Variants in C4orf17 observed in about 807,000 individuals in gnomAD.
The protein encoded by C4orf17 is uncharacterized protein C4orf17.
Under a neutral mutation model 32.0 loss-of-function variants are expected in C4orf17, and 25 were observed. The observed-to-expected ratio is 0.78, with a 90% CI of 0.57 to 1.09. The LOEUF is 1.09. Ranked by LOEUF, C4orf17 falls within the 50% of genes least tolerant of loss-of-function variation. The probability of loss-of-function intolerance (pLI) is 0.00; values close to 1 mark genes in which losing one functional copy is unlikely to be tolerated. For synonymous variants in C4orf17, 149 were observed against 145.8 expected (o/e 1.02, Z -0.16); for missense variants, 420 against 420.0 (o/e 1.00, Z 0.00).
chr4:99,522,841 T>C, intron 3 of C4orf17, 132 bp downstream of exon 3: 1 of 684,276 alleles, frequency 1.5e-6, no homozygotes, highest in Non-Finnish European at 2.4e-6. Context: ...AACATAAATT[T>C]TGTTATATAA....
intron 5 of C4orf17, among the ~76,000 whole-genome samples, chr4:99,535,467 C>T (rs577885637): frequency 1.1e-3 from 168 of 152,024 alleles, no homozygotes; most frequent in South Asian, 2.1e-3. Flanking sequence ...TTTTGTCTGC[C>T]TGTCTTATTT....
At chr4:99,526,637 ATTTCT>A (rs1233652479) in intron 4 of C4orf17, among the ~76,000 whole-genome samples, 2 of 137,274 alleles carry the variant, frequency 1.5e-5, no homozygotes, top group Non-Finnish European at 3.1e-5. Context: ...TACAAATTCA[ATTTCT>A]TTTCTTTTCT....
chr4:99,540,446 G>A lies in C4orf17; in HGVS notation c.871G>A (p.Val291Ile). The A allele has an allele frequency of 6.2e-7, 1 of 1,610,226 alleles. No individual in the cohort carries two copies. Among genetic ancestry groups the A allele is most frequent in the Middle Eastern group, 1.7e-4 (1 of 6,038 alleles). ...TCAAGGATCTGAAGAAAACAAGGAA[G>A]TACCAAAAGGTTAAGTACAGTTTTT... is the stretch of plus-strand genomic sequence containing the variant. ...SSQGSEENKEVPKEAEHKPPL... is the reference protein window; with the variant it reads ...SSQGSEENKEIPKEAEHKPPL... The change falls in exon 8 of 9, where the codon GTA becomes ATA. Residue 291 changes from valine (V) to isoleucine (I), a missense_variant. Coordinates refer to ENST00000326581, the MANE Select transcript of C4orf17 (RefSeq NM_032149.3).
chr4:99,517,355 T>G (rs546437047), intron 2 of C4orf17, among the ~76,000 whole-genome samples: 31 of 151,116 alleles, frequency 2.1e-4, no homozygotes, highest in African/African-American at 7.6e-4. Context: ...AACATATTGC[T>G]GCAGGGGCTG....
At position 99,523,775 on chromosome 4, in the gene C4orf17, C is replaced by T. The variant is rs139155919; in HGVS notation, c.338-746C>T. On this transcript the variant is annotated intron_variant, in intron 3 of 8. Coordinates refer to ENST00000326581, the MANE Select transcript of C4orf17 (RefSeq NM_032149.3). The stretch of plus-strand genomic sequence containing the variant: ...TGGTTTTAGGGCAGCTTAGGGGGAT[C>T]TAGTTATATGACTGAGTATGAAATG... Among the ~76,000 whole-genome samples the T allele has an allele frequency of 2.4e-3, 366 of 151,966 alleles. 1 individual carries two copies. The highest frequency in any genetic ancestry group is 8.2e-3 in the African/African-American group (338 of 41,450).
chr4:99,528,494 G>GC (rs1234459172), intron 4 of C4orf17, among the ~76,000 whole-genome samples: 2 of 152,070 alleles, frequency 1.3e-5, no homozygotes, highest in Admixed American at 1.3e-4. Context: ...TTTTCACTGA[G>GC]TTCAGTGTAT....
intron 5 of C4orf17, among the ~76,000 whole-genome samples, chr4:99,531,983 A>C (rs1284783678): frequency 6.6e-6 from 1 of 152,156 alleles, no homozygotes; most frequent in Admixed American, 6.6e-5. Flanking sequence ...ATTACTTTAA[A>C]AGGAAAGAGA....
rs932591000 is a variant in C4orf17, at chr4:99,542,067, C to G, written c.1038C>G (p.Leu346=). ...CAAGGAGTATACAAGAATACAACCT[C>G]TGTCCCCAAAGAGCATGTTATCCTT... ...VSARSIQEYN[L]CPQRACYPST... Residue 346 remains leucine, a synonymous_variant, in exon 9 of 9, where the codon CTC becomes CTG. Coordinates refer to ENST00000326581, the MANE Select transcript of C4orf17 (RefSeq NM_032149.3). 3 of 1,614,132 alleles carry G rather than the reference C, an allele frequency of 1.9e-6. No individual in the cohort carries two copies. The highest frequency in any genetic ancestry group is 2.5e-6 in the Non-Finnish European group (3 of 1,179,996).
chr4:99,520,561 A>T (rs1444728437), intron 2 of C4orf17, among the ~76,000 whole-genome samples: 1 of 152,176 alleles, frequency 6.6e-6, no homozygotes, highest in African/African-American at 2.4e-5. Context: ...ATACTATAAA[A>T]CTATTGGCAG....
intron 5 of C4orf17, among the ~76,000 whole-genome samples, chr4:99,534,899 T>C (rs1723536811): frequency 6.6e-6 from 1 of 152,208 alleles, no homozygotes; most frequent in South Asian, 2.1e-4. Flanking sequence ...CCTTTCCATA[T>C]TTAGTGCTTC....
intron 5 of C4orf17, among the ~76,000 whole-genome samples, chr4:99,531,223 C>G (rs546647487): frequency 6.6e-6 from 1 of 151,960 alleles, no homozygotes; most frequent in African/African-American, 2.4e-5. Flanking sequence ...AAATTTAAAT[C>G]ATATAAGATC....
At position 99,513,071 on chromosome 4, in the gene C4orf17, AC is replaced by A. The variant is rs1379280004; in HGVS notation, c.-10del. ...CAACAGTGAAGAGGGGAAAATAAACACACCACAAACATGAACCTCAACCCCC... is the reference window on the plus strand; with the variant it reads ...CAACAGTGAAGAGGGGAAAATAAACAACCACAAACATGAACCTCAACCCCC... On this transcript the variant is annotated 5_prime_UTR_variant, in exon 2 of 9. Transcript: ENST00000326581. 1.1e-5 allele frequency: 18 copies of A among 1,613,496 alleles called. No individual in the cohort carries two copies. The South Asian group carries it at 2.0e-4, about 18-fold the overall frequency.
chr4:99,542,063 A>G lies in C4orf17; in HGVS notation c.1034A>G (p.Asn345Ser), dbSNP rs754085098. Residue 345 changes from asparagine to serine, a missense_variant, in exon 9 of 9, where the codon AAC (asparagine) becomes AGC (serine). Physicochemically the swap from Asn to Ser is conservative, Grantham distance 46 (BLOSUM62 1). Transcript: ENST00000326581. ...TCAGCAAGGAGTATACAAGAATACA[A>G]CCTCTGTCCCCAAAGAGCATGTTAT... ...PVSARSIQEY[N>S]LCPQRACYPS... is the part of the protein sequence containing the mutation. 6.2e-7 allele frequency: 1 copy of G among 1,614,096 alleles called. No individual in the cohort carries two copies. The highest frequency in any genetic ancestry group is 8.5e-7 in the Non-Finnish European group (1 of 1,179,984).
intron 7 of C4orf17, among the ~76,000 whole-genome samples, chr4:99,540,189 C>T (rs562875433): frequency 2.0e-5 from 3 of 151,842 alleles, no homozygotes; most frequent in African/African-American, 7.2e-5. Context: ...TTAATCTGTA[C>T]CTTAATGACT....
intron 5 of C4orf17, among the ~76,000 whole-genome samples, chr4:99,534,076 C>T (rs1723520218): frequency 6.6e-6 from 1 of 152,152 alleles, no homozygotes; most frequent in Non-Finnish European, 1.5e-5. Context: ...CACAGATTAT[C>T]CCATCACCTA....
Position 99,524,521 on chromosome 4 carries a change from A to C in C4orf17, c.338A>C (p.Glu113Ala), listed in dbSNP as rs765154917. 5.1e-6 allele frequency: 8 copies of C among 1,583,032 alleles called. No individual in the cohort carries two copies. In the South Asian group the frequency reaches 7.9e-5, roughly 16 times the overall value. The change falls in exon 4 of 9, where the codon GAG (glutamate) becomes GCG (alanine). Residue 113 changes from glutamate (E) to alanine (A), a missense_variant and splice_region_variant. Transcript: ENST00000326581. ...GAKVPPRPHSEPSRKIKECFK... is the reference protein window; with the variant it reads ...GAKVPPRPHSAPSRKIKECFK... ...ACATTTTTCCTCAATTTTATTTCAG[A>C]GCCCAGTAGAAAAATTAAAGAGTGC...
In C4orf17 at chr4:99,514,103, C is replaced by T. The variant is rs190636755; in HGVS notation, c.127+895C>T. The stretch of plus-strand genomic sequence containing the variant: ...CTGAGATTCTTATCCCCAAGAGAAA[C>T]GCTGCCATAGTGAGCTCCAGCAGAT... On this transcript the variant is annotated intron_variant, in intron 2 of 8. Coordinates refer to ENST00000326581, the MANE Select transcript of C4orf17 (RefSeq NM_032149.3). Among the ~76,000 whole-genome samples the T allele has an allele frequency of 1.9e-3, 295 of 152,142 alleles. 1 individual carries two copies. Among genetic ancestry groups the T allele is most frequent in the Middle Eastern group, 6.8e-3 (2 of 294 alleles).
At chr4:99,532,504 A>G (rs1723492557) in intron 5 of C4orf17, among the ~76,000 whole-genome samples, 1 of 152,190 alleles carries the variant, frequency 6.6e-6, no homozygotes, top group African/African-American at 2.4e-5. Flanking sequence ...CACTGGGAAC[A>G]TGTAGACATA....
intron 2 of C4orf17, among the ~76,000 whole-genome samples, chr4:99,517,412 A>T (rs1419354749): frequency 6.6e-6 from 1 of 152,108 alleles, no homozygotes; most frequent in Non-Finnish European, 1.5e-5. Flanking sequence ...GAAGCAAAAT[A>T]ATCTGGGTAC....
Sources: allele counts gnomAD v4.1 joint callset (sites outside exome capture counted in the v4.1 genomes callset), GRCh38; gene constraint gnomAD v4.1.1; transcripts MANE v1.5; gene names NCBI Gene and HGNC (gene_info 2026-07-23, HGNC 2026-07-21).